The following NOL10 variants were observed in gnomAD, a reference collection of about 807,000 sequenced individuals.
NOL10 encodes the protein nucleolar protein 10.
NOL10 carries 58 observed loss-of-function variants against 103.5 expected under a neutral mutation model. The ratio of observed to expected loss-of-function variants is 0.56; its 90% CI spans 0.45 to 0.70. NOL10 has a LOEUF of 0.70. Ranked by LOEUF, NOL10 falls within the 30% of genes least tolerant of loss-of-function variation. NOL10 has a pLI of 0.00. For missense variants in NOL10, 763 were observed against 807.3 expected (o/e 0.95, Z 0.67); for synonymous variants, 287 against 282.5 (o/e 1.02, Z -0.16).
At chr2:10,672,245 T>G (rs965270634) in intron 5 of NOL10, among the ~76,000 whole-genome samples, 2 of 152,088 alleles carry the variant, frequency 1.3e-5, no homozygotes, top group Admixed American at 6.6e-5. Flanking sequence ...GAAAATCGCT[T>G]GAACCCAGGA....
chr2:10,685,900 C>CAA (rs1190835362), intron 1 of NOL10, among the ~76,000 whole-genome samples: 1 of 132,882 alleles, frequency 7.5e-6, no homozygotes, highest in Non-Finnish European at 1.6e-5. Flanking sequence ...ACTGTCTCTA[C>CAA]AAAAAAAAAA....
At chr2:10,687,035 G>T (rs959873732) in intron 1 of NOL10, among the ~76,000 whole-genome samples, 2 of 152,188 alleles carry the variant, frequency 1.3e-5, no homozygotes, top group Non-Finnish European at 2.9e-5. Flanking sequence ...GACTGCCTAG[G>T]ATCACCAGGG....
In NOL10 at chr2:10,587,170, C is replaced by T. The variant is rs1449158327; in HGVS notation, c.1844+1873G>A. On this transcript the variant is annotated intron_variant, in intron 19 of 20. Coordinates refer to ENST00000381685, the MANE Select transcript of NOL10 (RefSeq NM_024894.4). ...ATATACATATATACACATATATACA[C>T]ATATATATACACATATATATACACA... Among the ~76,000 whole-genome samples, 23 of 40,932 alleles carry T rather than the reference C, an allele frequency of 5.6e-4. 3 individuals are homozygous for T. The highest frequency in any genetic ancestry group is 1.9e-3 in the African/African-American group (13 of 6,860). 26.9% of individuals were successfully genotyped at this position (40,932 alleles called of 152,430 possible).
chr2:10,576,614 A>G (rs922996424), intron 20 of NOL10, among the ~76,000 whole-genome samples: 1 of 152,260 alleles, frequency 6.6e-6, no homozygotes, highest in Non-Finnish European at 1.5e-5. Context: ...CCAGCTATGA[A>G]AGACTTCACA....
chr2:10,688,809 A>C lies in NOL10; in HGVS notation c.66+987T>G, dbSNP rs1006187892. 3.9e-5 allele frequency among the ~76,000 whole-genome samples: 6 copies of C among 152,248 alleles called. No homozygotes were observed. In the East Asian group the frequency reaches 5.8e-4, roughly 15 times the overall value. Reference sequence around the variant, plus strand: ...ATGTGGAGAATGAATGAACAAAATGAGAAAGCTCATGGGGTGTGAAGAACA... The same window carrying C: ...ATGTGGAGAATGAATGAACAAAATGCGAAAGCTCATGGGGTGTGAAGAACA... On this transcript the variant is annotated intron_variant, in intron 1 of 20. Transcript: ENST00000381685.
At chr2:10,662,539 A>G (rs1054858400) in intron 9 of NOL10, among the ~76,000 whole-genome samples, 1 of 152,238 alleles carries the variant, frequency 6.6e-6, no homozygotes, top group Non-Finnish European at 1.5e-5. Context: ...GATGTATAAT[A>G]GTGAAAACTC....
At position 10,689,879 on chromosome 2, in the gene NOL10, T is replaced by C. The variant is rs1682512025; in HGVS notation, c.-18A>G. 1 of 1,598,532 alleles carries C rather than the reference T, an allele frequency of 6.3e-7. No individual in the cohort carries two copies. Among genetic ancestry groups the C allele is most frequent in the Middle Eastern group, 1.7e-4 (1 of 6,032 alleles). Reference sequence around the variant, plus strand: ...ACCTGCATGGCGCCGCACAACACTGTTCAAGTCCCGGGTCCTTTCCCACCA... The same window carrying C: ...ACCTGCATGGCGCCGCACAACACTGCTCAAGTCCCGGGTCCTTTCCCACCA... On this transcript the variant is annotated 5_prime_UTR_variant, in exon 1 of 21. Coordinates refer to ENST00000381685, the MANE Select transcript of NOL10 (RefSeq NM_024894.4).
intron 19 of NOL10, among the ~76,000 whole-genome samples, chr2:10,580,344 TCCCTCCCCCTCCTCTC>T (rs1674679219): frequency 6.6e-6 from 1 of 151,806 alleles, no homozygotes; most frequent in Admixed American, 6.6e-5. Context: ...AATTGGCCTT[TCCCTCCCCCTCCTCTC>T]CCCTCCCCCG....
chr2:10,599,725 A>C (rs7600587), intron 17 of NOL10, among the ~76,000 whole-genome samples: 1 of 151,966 alleles, frequency 6.6e-6, no homozygotes, highest in African/African-American at 2.4e-5. Context: ...AAGGAAGCAG[A>C]AGACAGCAAG....
chr2:10,644,471 G>C, intron 12 of NOL10, 99 bp from the exon 13 acceptor site: 4 of 753,138 alleles, frequency 5.3e-6, no homozygotes, highest in Non-Finnish European at 8.4e-6. Context: ...ACTTCTGTTA[G>C]TCAGTGAACC....
At chr2:10,687,512 T>G (rs1682300735) in intron 1 of NOL10, among the ~76,000 whole-genome samples, 1 of 152,212 alleles carries the variant, frequency 6.6e-6, no homozygotes, top group Admixed American at 6.5e-5. Context: ...CCTAGTTATC[T>G]TCTCTGTTCT....
intron 12 of NOL10, among the ~76,000 whole-genome samples, chr2:10,652,349 T>G (rs1679528188): frequency 6.6e-6 from 1 of 150,806 alleles, no homozygotes; most frequent in South Asian, 2.1e-4. Flanking sequence ...TGACCAACCC[T>G]GAATGAATTA....
At chr2:10,573,076 A>AT (rs201338334) in intron 20 of NOL10, among the ~76,000 whole-genome samples, 1 of 151,682 alleles carries the variant, frequency 6.6e-6, no homozygotes, top group African/African-American at 2.4e-5. Flanking sequence ...AAAAAAAAAA[A>AT]TTTCTTAGCG....
chr2:10,650,323 C>A (rs1679377433), intron 12 of NOL10, among the ~76,000 whole-genome samples: 1 of 151,462 alleles, frequency 6.6e-6, no homozygotes, highest in Non-Finnish European at 1.5e-5. Flanking sequence ...GCCACTGCTT[C>A]CTGCTAATTT....
intron 20 of NOL10, 103 bp from the exon 21 acceptor site, chr2:10,572,293 T>C: frequency 7.9e-7 from 1 of 1,266,964 alleles, no homozygotes; most frequent in Non-Finnish European, 1.1e-6. Context: ...ATCTCAGAAC[T>C]GCTGCCAGGA....
chr2:10,662,431 G>C (rs1309691373), intron 9 of NOL10, among the ~76,000 whole-genome samples: 1 of 152,098 alleles, frequency 6.6e-6, no homozygotes, highest in Non-Finnish European at 1.5e-5. Flanking sequence ...GGGCAATTTA[G>C]CAATGTACCA....
chr2:10,585,048 G>C (rs905210279), intron 19 of NOL10, among the ~76,000 whole-genome samples: 5 of 152,184 alleles, frequency 3.3e-5, no homozygotes, highest in Admixed American at 2.0e-4. Context: ...CAATGGCTAT[G>C]GGGAAAAGGA....
At chr2:10,619,909 T>G (rs1479953069) in intron 13 of NOL10, among the ~76,000 whole-genome samples, 1 of 152,234 alleles carries the variant, frequency 6.6e-6, no homozygotes, top group Non-Finnish European at 1.5e-5. Context: ...ACAATGACTC[T>G]AAGCAATGTT....
intron 12 of NOL10, among the ~76,000 whole-genome samples, chr2:10,645,688 G>A (rs1023360217): frequency 3.3e-5 from 5 of 151,804 alleles, no homozygotes; most frequent in East Asian, 1.9e-4. Context: ...CGCCCACCAC[G>A]CCTGGCTAAT....
Sources: allele counts gnomAD v4.1 joint callset (sites outside exome capture counted in the v4.1 genomes callset), GRCh38; gene constraint gnomAD v4.1.1; transcripts MANE v1.5; gene names NCBI Gene and HGNC (gene_info 2026-07-23, HGNC 2026-07-21).